The following EPB41L4A variants were observed in gnomAD, a reference collection of about 807,000 sequenced individuals.
EPB41L4A encodes the protein erythrocyte membrane protein band 4.1 like 4A, also known as band 4.1-like protein 4A.
Under a neutral mutation model 108.6 loss-of-function variants are expected in EPB41L4A, and 100 were observed. That is an observed-to-expected ratio of 0.92 (90% CI 0.78 to 1.09). The LOEUF is 1.09. Among genes scored for constraint, EPB41L4A ranks in the 50% least tolerant of loss-of-function variants. The probability of loss-of-function intolerance (pLI) is 0.00; values close to 1 mark genes in which losing one functional copy is unlikely to be tolerated. For synonymous variants in EPB41L4A, 319 were observed against 289.0 expected, an observed-to-expected ratio of 1.10 and a Z score of -1.05; for missense variants, 1,030 against 842.7, an observed-to-expected ratio of 1.22 and a Z score of -2.75.
intron 12 of EPB41L4A, among the ~76,000 whole-genome samples, chr5:112,211,948 T>TAC (rs1762766396): frequency 6.6e-6 from 1 of 152,132 alleles, no homozygotes; most frequent in Admixed American, 6.6e-5. Flanking sequence ...CTGGAGCCAC[T>TAC]ACCAATAACT....
At chr5:112,301,407 A>C (rs1485393216) in intron 2 of EPB41L4A, among the ~76,000 whole-genome samples, 1 of 152,100 alleles carries the variant, frequency 6.6e-6, no homozygotes, top group Non-Finnish European at 1.5e-5. Flanking sequence ...AGATGCAGTG[A>C]CTGTTATTTC....
At chr5:112,232,131 AGAG>A (rs1749002737) in intron 12 of EPB41L4A, among the ~76,000 whole-genome samples, 6 of 141,810 alleles carry the variant, frequency 4.2e-5, no homozygotes, top group African/African-American at 7.8e-5. Flanking sequence ...AAAAAAAAAG[AGAG>A]AGAGAGAGAG....
chr5:112,241,154 C>T (rs1208477606), intron 9 of EPB41L4A, among the ~76,000 whole-genome samples: 1 of 152,060 alleles, frequency 6.6e-6, no homozygotes, highest in Admixed American at 6.6e-5. Flanking sequence ...TGAAAATCAA[C>T]TCCCAGTAAA....
intron 10 of EPB41L4A, 89 bp from the exon 11 acceptor site, chr5:112,239,826 G>A (rs1749646595): frequency 4.3e-6 from 3 of 700,512 alleles, no homozygotes; most frequent in Non-Finnish European, 7.1e-6. Flanking sequence ...ACTTTATAAA[G>A]GACTCCAGCC....
At position 112,191,700 on chromosome 5, in the gene EPB41L4A, G is replaced by C. The variant is rs1761708046; in HGVS notation, c.1502+2868C>G. Among the ~76,000 whole-genome samples, 2 of 150,382 alleles carry C rather than the reference G, an allele frequency of 1.3e-5. 1 individual carries two copies. The highest frequency in any genetic ancestry group is 4.2e-4 in the South Asian group (2 of 4,780). On this transcript the variant is annotated intron_variant, in intron 17 of 22. Transcript: ENST00000261486. ...TAAAAAAAAAAAAAAAATCCTGCAA[G>C]AAGGAGTAGCAGAGGGAGCAACATC...
chr5:112,302,145 G>A (rs1468201946), intron 2 of EPB41L4A, among the ~76,000 whole-genome samples: 1 of 151,976 alleles, frequency 6.6e-6, no homozygotes, highest in Non-Finnish European at 1.5e-5. Context: ...CCAAAGATCT[G>A]GATCTACTAA....
intron 17 of EPB41L4A, among the ~76,000 whole-genome samples, chr5:112,186,225 T>C (rs1761421585): frequency 6.6e-6 from 1 of 152,196 alleles, no homozygotes; most frequent in Non-Finnish European, 1.5e-5. Flanking sequence ...GTCTAAATAT[T>C]TTTGAGAGGT....
chr5:112,352,282 C>A (rs7712659), intron 1 of EPB41L4A, among the ~76,000 whole-genome samples: 2,305 of 152,256 alleles, frequency 0.015, 68 homozygotes, highest in African/African-American at 0.052. Context: ...CCTCTTAGCA[C>A]TGCTTTTGCT....
intron 13 of EPB41L4A, among the ~76,000 whole-genome samples, chr5:112,144,566 C>T (rs1046750406): frequency 3.9e-5 from 6 of 152,178 alleles, no homozygotes; most frequent in South Asian, 2.1e-4. Flanking sequence ...TATGAGCCAC[C>T]GCGCCTGGTC....
intron 19 of EPB41L4A, 35 bp from the exon 20 acceptor site, chr5:112,170,404 G>C: frequency 7.3e-7 from 1 of 1,373,088 alleles, no homozygotes; most frequent in South Asian, 1.2e-5. Context: ...GATAGTTGTG[G>C]TGCTGGTATA....
At chr5:112,181,030 G>A (rs555973832) in intron 18 of EPB41L4A, among the ~76,000 whole-genome samples, 77 of 152,280 alleles carry the variant, frequency 5.1e-4, no homozygotes, top group African/African-American at 1.9e-3. Flanking sequence ...GTAGAATGGC[G>A]AAAATTAACG....
chr5:112,191,555 A>G (rs1427400828), intron 17 of EPB41L4A, among the ~76,000 whole-genome samples: 1 of 152,170 alleles, frequency 6.6e-6, no homozygotes, highest in East Asian at 1.9e-4. Context: ...AAATGTTTAA[A>G]TGGTTATCCA....
chr5:112,403,533 A>C (rs1761910697), intron 1 of EPB41L4A, among the ~76,000 whole-genome samples: 1 of 152,168 alleles, frequency 6.6e-6, no homozygotes, highest in Non-Finnish European at 1.5e-5. Context: ...CCTGGAGTGC[A>C]GTGGAGCTTA....
intron 1 of EPB41L4A, among the ~76,000 whole-genome samples, chr5:112,343,021 G>A (rs925558778): frequency 1.3e-5 from 2 of 152,114 alleles, no homozygotes; most frequent in Non-Finnish European, 2.9e-5. Flanking sequence ...GAATGTGGCC[G>A]ATAGAAATAG....
chr5:112,147,340 T>C (rs2112791922), intron 12 of EPB41L4A, among the ~76,000 whole-genome samples: 1 of 152,246 alleles, frequency 6.6e-6, no homozygotes, highest in Middle Eastern at 3.4e-3. Flanking sequence ...ACATTTAGCA[T>C]AAAGATTAGC....
chr5:112,273,355 T>C (rs1362327451), intron 4 of EPB41L4A, among the ~76,000 whole-genome samples: 1 of 152,210 alleles, frequency 6.6e-6, no homozygotes, highest in Non-Finnish European at 1.5e-5. Context: ...CAAAAATCCA[T>C]GTATTCCGTT....
intron 9 of EPB41L4A, among the ~76,000 whole-genome samples, chr5:112,247,293 T>A (rs1750311799): frequency 6.6e-6 from 1 of 152,192 alleles, no homozygotes; most frequent in South Asian, 2.1e-4. Context: ...TATTCCAAAA[T>A]AGAATGTACA....
chr5:112,173,339 G>C (rs555527390), intron 18 of EPB41L4A, among the ~76,000 whole-genome samples: 1 of 152,022 alleles, frequency 6.6e-6, no homozygotes, highest in East Asian at 1.9e-4. Context: ...GAGTGGCCAG[G>C]AGGACATACA....
intron 12 of EPB41L4A, 50 bp from the exon 13 acceptor site, chr5:112,210,032 G>A (rs758240601): frequency 3.6e-6 from 4 of 1,104,602 alleles, no homozygotes; most frequent in South Asian, 1.4e-5. Context: ...ACAGTGATAA[G>A]GAAATGAAAG....
Sources: allele counts gnomAD v4.1 joint callset (sites outside exome capture counted in the v4.1 genomes callset), GRCh38; gene constraint gnomAD v4.1.1; transcripts MANE v1.5; gene names NCBI Gene and HGNC (gene_info 2026-07-23, HGNC 2026-07-21).